Variants in SLC15A2 observed in about 807,000 individuals in gnomAD.
SLC15A2 encodes kidney H(+)/peptide cotransporter.
In SLC15A2, 77 loss-of-function variants were observed where a neutral mutation model predicts 95.5. That is an observed-to-expected ratio of 0.81 (90% CI 0.67 to 0.97). The LOEUF is 0.97. Ranked by LOEUF, SLC15A2 falls within the 50% of genes least tolerant of loss-of-function variation. The probability of loss-of-function intolerance (pLI) is 0.00; values close to 1 mark genes in which losing one functional copy is unlikely to be tolerated. For synonymous variants in SLC15A2, 306 were observed against 306.9 expected, an observed-to-expected ratio of 1.00 and a Z score of 0.03; for missense variants, 893 against 874.4, an observed-to-expected ratio of 1.02 and a Z score of -0.27.
At position 121,915,686 on chromosome 3, in the gene SLC15A2, T is replaced by G. The variant is rs189853572; in HGVS notation, c.690T>G (p.Ile230Met). Reference sequence around the variant, plus strand: ...GAGTTCCAGGACTGCTCATGGTAATTGCACTTGGTAAGTGCAGTGAAGCAA... The same window carrying G: ...GAGTTCCAGGACTGCTCATGGTAATGGCACTTGGTAAGTGCAGTGAAGCAA... ...AFGVPGLLMV[I>M]ALVVFAMGSK... Residue 230 changes from isoleucine to methionine, a missense_variant, in exon 7 of 22, where the codon ATT becomes ATG. Physicochemically the swap from Ile to Met is conservative, Grantham distance 10. Transcript: ENST00000489711. 35 of 1,612,902 alleles carry G rather than the reference T, an allele frequency of 2.2e-5. No individual in the cohort carries two copies. The East Asian group carries it at 7.8e-4, about 36-fold the overall frequency.
At chr3:121,940,282 A>G in intron 20 of SLC15A2, 102 bp from the exon 21 acceptor site, 1 of 749,234 alleles carries the variant, frequency 1.3e-6, no homozygotes, top group South Asian at 1.5e-5. Flanking sequence ...TTAATAAGAG[A>G]AGTTCTAACT....
chr3:121,895,645 T>C (rs1249814116), intron 1 of SLC15A2, among the ~76,000 whole-genome samples: 1 of 152,196 alleles, frequency 6.6e-6, no homozygotes, highest in Non-Finnish European at 1.5e-5. Context: ...ATGTCTCTTC[T>C]CATGTTAGTT....
intron 9 of SLC15A2, 87 bp downstream of exon 9, chr3:121,922,948 C>A: frequency 6.5e-7 from 1 of 1,535,996 alleles, no homozygotes; most frequent in Non-Finnish European, 9.0e-7. Context: ...ATTCAACCTC[C>A]TCTCTACTGT....
intron 19 of SLC15A2, among the ~76,000 whole-genome samples, chr3:121,938,041 G>T (rs916415959): frequency 6.6e-6 from 1 of 151,524 alleles, no homozygotes; most frequent in Non-Finnish European, 1.5e-5. Flanking sequence ...GTGTCAGTCT[G>T]CCCCTGCTGG....
intron 1 of SLC15A2, among the ~76,000 whole-genome samples, chr3:121,895,168 C>T (rs1380903237): frequency 6.6e-6 from 1 of 152,154 alleles, no homozygotes; most frequent in African/African-American, 2.4e-5. Flanking sequence ...GTAATGATAG[C>T]CAAAATTTAC....
intron 3 of SLC15A2, among the ~76,000 whole-genome samples, chr3:121,903,587 G>A (rs1031242993): frequency 6.6e-6 from 1 of 152,094 alleles, no homozygotes; most frequent in Non-Finnish European, 1.5e-5. Context: ...AGTTTTCCTA[G>A]CACCATTTAT....
chr3:121,929,228 C>A, intron 16 of SLC15A2, 74 bp from the exon 17 acceptor site: 1 of 1,602,220 alleles, frequency 6.2e-7, no homozygotes, highest in Non-Finnish European at 8.5e-7. Context: ...CAAGGATCTG[C>A]CTGATGATCA....
chr3:121,910,290 T>C (rs2107581804), intron 3 of SLC15A2, among the ~76,000 whole-genome samples: 1 of 148,796 alleles, frequency 6.7e-6, no homozygotes, highest in East Asian at 2.0e-4. Context: ...TCTGACTCCC[T>C]GGTTCAAGCG....
Position 121,923,284 on chromosome 3 carries a change from T to G in SLC15A2, c.1002+18T>G. On this transcript the variant is annotated intron_variant, in intron 11 of 21. Coordinates refer to ENST00000489711, the MANE Select transcript of SLC15A2 (RefSeq NM_021082.4). ...GGAATTTGGTGAGTAGAAGAGATTT[T>G]CCAGAGAAGTCTATTATTTTCTTCA... 1 of 1,610,948 alleles carries G rather than the reference T, an allele frequency of 6.2e-7. No individual in the cohort carries two copies. Among genetic ancestry groups the G allele is most frequent in the Non-Finnish European group, 8.5e-7 (1 of 1,178,300 alleles).
At chr3:121,937,892 G>T (rs1710379373) in intron 19 of SLC15A2, among the ~76,000 whole-genome samples, 1 of 151,352 alleles carries the variant, frequency 6.6e-6, no homozygotes, top group African/African-American at 2.4e-5. Flanking sequence ...CCATCTTTGT[G>T]GTTTTATCTA....
In SLC15A2 at chr3:121,937,438, A is replaced by C. The variant is rs1217339013; in HGVS notation, c.1762-1911A>C. On this transcript the variant is annotated intron_variant, in intron 19 of 21. Coordinates refer to ENST00000489711, the MANE Select transcript of SLC15A2 (RefSeq NM_021082.4). ...AGATTTGGTCTTTTCACATAGTCCC[A>C]TATTTCTTGGAGGCTTTGCTCGTTT... Among the ~76,000 whole-genome samples, 21 of 133,068 alleles carry C rather than the reference A, an allele frequency of 1.6e-4. 1 individual carries two copies. Among genetic ancestry groups the C allele is most frequent in the African/African-American group, 6.0e-4 (21 of 34,766 alleles). The allele number at this position is 133,068 out of a possible 152,430, so 87.3% of individuals were successfully genotyped here.
At position 121,939,365 on chromosome 3, in the gene SLC15A2, T is replaced by C; in HGVS notation, c.1778T>C (p.Leu593Pro). 2 of 1,550,374 alleles carry C rather than the reference T, an allele frequency of 1.3e-6. No individual in the cohort carries two copies. Among genetic ancestry groups the C allele is most frequent in the East Asian group, 4.9e-5 (2 of 40,932 alleles). Residue 593 changes from leucine (L) to proline (P), a missense_variant, in exon 20 of 22, where the codon CTT becomes CCT. Physicochemically the swap from Leu to Pro is moderately conservative, Grantham distance 98. Transcript: ENST00000489711. The stretch of plus-strand genomic sequence containing the variant: ...TTCCCTAAGAACACCAATCAGGGTC[T>C]TCAGGCCTGGAAGATTGAAGACATT... The part of the protein sequence containing the change: ...FVITNNTNQG[L>P]QAWKIEDIPA...
At chr3:121,940,587 T>C in intron 21 of SLC15A2, 99 bp downstream of exon 21, 7 of 1,037,510 alleles carry the variant, frequency 6.7e-6, no homozygotes, top group Non-Finnish European at 1.0e-5. Context: ...ACATTCCCCA[T>C]TCAGTGCTGT....
intron 5 of SLC15A2, among the ~76,000 whole-genome samples, chr3:121,914,503 C>A (rs148191308): frequency 2.0e-4 from 30 of 152,300 alleles, no homozygotes; most frequent in African/African-American, 7.0e-4. Flanking sequence ...ACTAGGTGAA[C>A]TATCCTCCTT....
intron 21 of SLC15A2, 96 bp from the exon 22 acceptor site, chr3:121,940,735 G>A (rs1451443545): frequency 1.3e-5 from 17 of 1,317,628 alleles, no homozygotes; most frequent in Non-Finnish European, 1.3e-5. Context: ...TTAAACTGGT[G>A]ATCCCAGGTC....
chr3:121,925,726 C>CTATATATATA (rs67563324), intron 13 of SLC15A2, among the ~76,000 whole-genome samples: 2 of 33,812 alleles, frequency 5.9e-5, no homozygotes, highest in African/African-American at 9.3e-5. Flanking sequence ...AGGGGCTAGA[C>CTATATATATA]TATATATATA....
At chr3:121,931,489 C>A in intron 18 of SLC15A2, 150 bp from the exon 19 acceptor site, 1 of 546,590 alleles carries the variant, frequency 1.8e-6, no homozygotes. Context: ...TGAAAATAAC[C>A]TACTCCAAGA....
intron 7 of SLC15A2, 67 bp from the exon 8 acceptor site, chr3:121,922,153 C>A: frequency 7.5e-7 from 1 of 1,338,556 alleles, no homozygotes; most frequent in Non-Finnish European, 1.1e-6. Context: ...AATGGCAAAA[C>A]TGCAATAACC....
intron 3 of SLC15A2, among the ~76,000 whole-genome samples, chr3:121,909,498 C>T (rs568252528): frequency 6.6e-6 from 1 of 152,194 alleles, no homozygotes; most frequent in African/African-American, 2.4e-5. Context: ...CCTAATATCT[C>T]GTTTCAAATG....
Sources: allele counts gnomAD v4.1 joint callset (sites outside exome capture counted in the v4.1 genomes callset), GRCh38; gene constraint gnomAD v4.1.1; transcripts MANE v1.5; gene names NCBI Gene and HGNC (gene_info 2026-07-23, HGNC 2026-07-21).